Variants in OLFML2A observed in about 807,000 individuals in gnomAD.
The protein encoded by OLFML2A is olfactomedin like 2A, also known as olfactomedin-like protein 2A.
OLFML2A carries 47 observed loss-of-function variants against 60.9 expected under a neutral mutation model. The observed-to-expected ratio is 0.77, with a 90% CI of 0.61 to 0.98. The LOEUF is 0.98. Among genes scored for constraint, OLFML2A ranks in the 50% least tolerant of loss-of-function variants. The pLI, the probability that OLFML2A is intolerant of heterozygous loss-of-function variation, is 0.00. For synonymous variants in OLFML2A, 372 were observed against 375.0 expected (o/e 0.99, Z 0.09); for missense variants, 922 against 879.8 (o/e 1.05, Z -0.61).
intron 2 of OLFML2A, among the ~76,000 whole-genome samples, chr9:124,790,731 G>A (rs74981349): frequency 2.0e-5 from 3 of 152,182 alleles, no homozygotes; most frequent in South Asian, 4.2e-4. Flanking sequence ...AGGAGAAGGC[G>A]GCAGAGGCAG....
Position 124,810,071 on chromosome 9 carries a change from C to G in OLFML2A, c.1618C>G (p.Arg540Gly). The G allele has an allele frequency of 5.0e-6, 8 of 1,613,858 alleles. No homozygotes were observed. Among genetic ancestry groups the G allele is most frequent in the Non-Finnish European group, 6.8e-6 (8 of 1,180,002 alleles). ...LWVIYPAVDD[R>G]DEAQPEVIVL... The stretch of plus-strand genomic sequence containing the variant: ...GGTCATCTACCCCGCCGTGGACGAC[C>G]GCGATGAGGCCCAGCCCGAGGTGAT... The change falls in exon 8 of 8, where the codon CGC (arginine) becomes GGC (glycine). Residue 540 changes from arginine to glycine, a missense_variant. By Grantham distance (125) the Arg-to-Gly change is moderately radical (BLOSUM62 -2). Transcript: ENST00000373580.
Position 124,809,922 on chromosome 9 carries a change from A to T in OLFML2A, c.1469A>T (p.Asp490Val). The T allele has an allele frequency of 1.9e-6, 3 of 1,614,094 alleles. No homozygotes were observed. The highest frequency in any genetic ancestry group is 2.5e-6 in the Non-Finnish European group (3 of 1,179,992). The change falls in exon 8 of 8, where the codon GAC (aspartate) becomes GTC (valine). Residue 490 changes from aspartate (D) to valine (V), a missense_variant. Transcript: ENST00000373580. ...TTCACCAAGAACATCATCAAGTACG[A>T]CCTACGGCAGCGCTTCGTGGCCTCC... ...RAFTKNIIKY[D>V]LRQRFVASWA...
chr9:124,803,443 T>C (rs1043279016), intron 5 of OLFML2A, among the ~76,000 whole-genome samples: 1 of 152,028 alleles, frequency 6.6e-6, no homozygotes, highest in African/African-American at 2.4e-5. Context: ...TTTCTATTTT[T>C]TAGTAGAGAC....
At chr9:124,795,729 C>T (rs889691546) in intron 3 of OLFML2A, among the ~76,000 whole-genome samples, 5 of 152,290 alleles carry the variant, frequency 3.3e-5, no homozygotes, top group African/African-American at 7.2e-5. Context: ...GAACCGAGAT[C>T]GTGCCACAGC....
At chr9:124,786,787 CACACACACACAG>C (rs1380590785) in intron 1 of OLFML2A, among the ~76,000 whole-genome samples, 176 bp from the exon 2 acceptor site, 4 of 147,560 alleles carry the variant, frequency 2.7e-5, no homozygotes, top group Admixed American at 1.4e-4. Flanking sequence ...CACACACACA[CACACACACACAG>C]AGTTGTTATT....
chr9:124,783,735 T>C (rs116342948), intron 1 of OLFML2A, among the ~76,000 whole-genome samples: 1,603 of 152,282 alleles, frequency 0.011, 30 homozygotes, highest in African/African-American at 0.037. Context: ...GAGCTCCTAC[T>C]GCAGGCCAGG....
chr9:124,787,715 C>T (rs1841503495), intron 2 of OLFML2A, among the ~76,000 whole-genome samples: 1 of 151,754 alleles, frequency 6.6e-6, no homozygotes, highest in Non-Finnish European at 1.5e-5. Flanking sequence ...TGCACCACCA[C>T]ACCTAGTTAA....
At chr9:124,804,390 C>G (rs1239497823) in intron 6 of OLFML2A, 48 bp downstream of exon 6, 18 of 1,477,704 alleles carry the variant, frequency 1.2e-5, no homozygotes, top group Middle Eastern at 2.5e-4. Flanking sequence ...GTGCCCAAAT[C>G]TAGCCCACAG....
At chr9:124,805,101 G>A (rs921774083) in intron 6 of OLFML2A, among the ~76,000 whole-genome samples, 5 of 152,016 alleles carry the variant, frequency 3.3e-5, no homozygotes, top group East Asian at 1.9e-4. Context: ...GTGTCCAATC[G>A]TTGGCTCTGT....
At position 124,799,287 on chromosome 9, in the gene OLFML2A, C is replaced by A. The variant is rs1332143775; in HGVS notation, c.465C>A (p.Ser155Arg). 5 of 1,608,068 alleles carry A rather than the reference C, an allele frequency of 3.1e-6. No individual in the cohort carries two copies. The highest frequency in any genetic ancestry group is 4.3e-6 in the Non-Finnish European group (5 of 1,175,150). Residue 155 changes from serine (S) to arginine (R), a missense_variant and splice_region_variant, in exon 4 of 8, where the codon AGC becomes AGA. Ser to Arg is a moderately radical substitution (Grantham distance 110, BLOSUM62 -1). Transcript: ENST00000373580. ...VASQMNTLEE[S>R]IKANLSRENE... ...CTCCAATCCTGCCCCCTCCGCAGAG[C>A]ATCAAGGCCAACCTGAGCCGGGAGA...
At chr9:124,791,948 C>T (rs1442583692) in intron 2 of OLFML2A, among the ~76,000 whole-genome samples, 1 of 152,180 alleles carries the variant, frequency 6.6e-6, no homozygotes, top group East Asian at 1.9e-4. Flanking sequence ...GCAGATCGCA[C>T]ATTGAGTGGC....
Position 124,799,271 on chromosome 9 carries a change from T to C in OLFML2A, c.463-14T>C. On this transcript the variant is annotated splice_polypyrimidine_tract_variant and intron_variant, in intron 3 of 7. Transcript: ENST00000373580. ...CTGGCCCAGGAAAGACCTCCAATCC[T>C]GCCCCCTCCGCAGAGCATCAAGGCC... The C allele has an allele frequency of 6.3e-7, 1 of 1,581,464 alleles. No individual in the cohort carries two copies. Among genetic ancestry groups the C allele is most frequent in the Non-Finnish European group, 8.7e-7 (1 of 1,151,530 alleles).
Position 124,813,562 on chromosome 9 carries a change from G to C in OLFML2A, c.*3150G>C, listed in dbSNP as rs1842061461. 6.6e-6 allele frequency: 1 copy of C among 152,202 alleles called. No individual in the cohort carries two copies. The highest frequency in any genetic ancestry group is 1.5e-5 in the Non-Finnish European group (1 of 68,040). The allele number at this position is 152,202 out of a possible 1,614,324, so 9.4% of individuals were successfully genotyped here. On this transcript the variant is annotated 3_prime_UTR_variant, in exon 8 of 8. Coordinates refer to ENST00000373580, the MANE Select transcript of OLFML2A (RefSeq NM_182487.4). ...TCTTTGCCACCAGCCTGTCACTCCA[G>C]TGGCAGCTCCAGAAACGGAGGCTGT...
intron 4 of OLFML2A, among the ~76,000 whole-genome samples, chr9:124,800,023 C>G (rs865788701): frequency 1.3e-5 from 2 of 152,238 alleles, no homozygotes; most frequent in African/African-American, 2.4e-5. Context: ...AGCAGAGGCA[C>G]TGGTTCTGTC....
At chr9:124,799,244 A>G in intron 3 of OLFML2A, 41 bp from the exon 4 acceptor site, 1 of 1,405,502 alleles carries the variant, frequency 7.1e-7, no homozygotes. Context: ...GTTCAGAGGA[A>G]GCTGGCCCAG....
At chr9:124,795,305 G>A (rs1354427143) in intron 3 of OLFML2A, among the ~76,000 whole-genome samples, 174 bp downstream of exon 3, 1 of 152,242 alleles carries the variant, frequency 6.6e-6, no homozygotes, top group African/African-American at 2.4e-5. Context: ...CTGGGGAAGA[G>A]GTCTAACTGG....
At chr9:124,786,795 C>T (rs112665840) in intron 1 of OLFML2A, among the ~76,000 whole-genome samples, 180 bp from the exon 2 acceptor site, 1 of 121,696 alleles carries the variant, frequency 8.2e-6, no homozygotes, top group Non-Finnish European at 1.7e-5. Context: ...CACACACACA[C>T]ACAGAGTTGT....
chr9:124,798,921 A>G (rs1226905480), intron 3 of OLFML2A, among the ~76,000 whole-genome samples: 1 of 152,180 alleles, frequency 6.6e-6, no homozygotes, highest in African/African-American at 2.4e-5. Flanking sequence ...GTGTATGTAT[A>G]CATGTGTTCC....
Position 124,799,415 on chromosome 9 carries a change from T to A in OLFML2A, c.593T>A (p.Leu198Gln), listed in dbSNP as rs1841729934. The A allele has an allele frequency of 6.2e-7, 1 of 1,613,608 alleles. No individual in the cohort carries two copies. The highest frequency in any genetic ancestry group is 8.5e-7 in the Non-Finnish European group (1 of 1,179,940). Residue 198 changes from leucine to glutamine, a missense_variant, in exon 4 of 8, where the codon CTG (leucine) becomes CAG (glutamine). Transcript: ENST00000373580. Reference sequence around the variant, plus strand: ...GGCATCAAGAAGGAGCTGTCCCGCCTGGGCCTCCAGCTGCTGCAGAAGGAT... The same window carrying A: ...GGCATCAAGAAGGAGCTGTCCCGCCAGGGCCTCCAGCTGCTGCAGAAGGAT... ...MLGIKKELSR[L>Q]GLQLLQKDAA...
Sources: gnomAD v4.1 joint callset for allele counts (sites outside exome capture counted in the v4.1 genomes callset) on GRCh38, gnomAD v4.1.1 for gene constraint, MANE v1.5 for transcripts, NCBI Gene and HGNC (gene_info 2026-07-23, HGNC 2026-07-21) for gene names.